The following PTPRG variants were observed in gnomAD, a reference collection of about 807,000 sequenced individuals.
PTPRG encodes receptor-type tyrosine-protein phosphatase gamma.
Under a neutral mutation model 165.3 loss-of-function variants are expected in PTPRG, and 102 were observed. The observed-to-expected ratio is 0.62, with a 90% CI of 0.53 to 0.73. PTPRG has a LOEUF of 0.73. Among genes scored for constraint, PTPRG ranks in the 30% least tolerant of loss-of-function variants. The pLI is 0.00. For synonymous variants in PTPRG, 675 were observed against 669.5 expected (o/e 1.01, Z -0.13); for missense variants, 1,866 against 1,861.4 (o/e 1.00, Z -0.05).
intron 8 of PTPRG, among the ~76,000 whole-genome samples, chr3:62,179,563 G>T (rs1456148034): frequency 6.6e-6 from 1 of 152,220 alleles, no homozygotes; most frequent in Middle Eastern, 3.2e-3. Context: ...TGAAAACTTG[G>T]TTTTCACCCA....
chr3:62,092,813 C>T (rs370618949), intron 5 of PTPRG, among the ~76,000 whole-genome samples: 1 of 152,278 alleles, frequency 6.6e-6, no homozygotes, highest in East Asian at 1.9e-4. Context: ...TAAACAATAG[C>T]ATGTGCCTGT....
chr3:61,908,373 C>T (rs540505897), intron 2 of PTPRG, among the ~76,000 whole-genome samples: 24 of 129,948 alleles, frequency 1.8e-4, no homozygotes, highest in Non-Finnish European at 2.8e-4. Flanking sequence ...TGCAGTGAGC[C>T]GGGATCGTAC....
intron 2 of PTPRG, among the ~76,000 whole-genome samples, chr3:61,976,014 C>G (rs1379843320): frequency 1.3e-5 from 2 of 152,170 alleles, no homozygotes; most frequent in Non-Finnish European, 2.9e-5. Context: ...CCTTGAAGAA[C>G]CGTGTTCTAA....
At chr3:62,193,533 T>C (rs762875538) in intron 9 of PTPRG, among the ~76,000 whole-genome samples, 3 of 152,218 alleles carry the variant, frequency 2.0e-5, no homozygotes, top group Non-Finnish European at 4.4e-5. Flanking sequence ...ATCATGGTTA[T>C]TGTGGCCCAG....
intron 12 of PTPRG, among the ~76,000 whole-genome samples, chr3:62,205,687 A>G (rs781569743): frequency 6.6e-6 from 1 of 152,136 alleles, no homozygotes; most frequent in African/African-American, 2.4e-5. Context: ...GGATCAGTTG[A>G]GGAGCTATCA....
intron 8 of PTPRG, among the ~76,000 whole-genome samples, chr3:62,173,891 C>G (rs927098608): frequency 6.6e-6 from 1 of 152,090 alleles, no homozygotes; most frequent in Non-Finnish European, 1.5e-5. Context: ...AGAGGCAGGG[C>G]CCCTTAAGAA....
intron 21 of PTPRG, 48 bp from the exon 22 acceptor site, chr3:62,272,898 C>A: frequency 1.3e-6 from 2 of 1,484,916 alleles, no homozygotes; most frequent in Non-Finnish European, 1.8e-6. Flanking sequence ...CCAAAGTTAA[C>A]AGTATGATAA....
At chr3:62,187,490 A>G (rs1415453924) in intron 8 of PTPRG, among the ~76,000 whole-genome samples, 1 of 152,216 alleles carries the variant, frequency 6.6e-6, no homozygotes, top group East Asian at 1.9e-4. Context: ...AAATCCTATG[A>G]AATTGAACTT....
chr3:61,793,318 T>A (rs900804140), intron 2 of PTPRG, among the ~76,000 whole-genome samples: 60 of 152,254 alleles, frequency 3.9e-4, no homozygotes, highest in African/African-American at 1.4e-3. Context: ...TCAAGACTGG[T>A]TATGTGTCTC....
At chr3:62,004,297 T>C (rs945956554) in intron 4 of PTPRG, among the ~76,000 whole-genome samples, 9 of 152,180 alleles carry the variant, frequency 5.9e-5, no homozygotes, top group Non-Finnish European at 7.3e-5. Context: ...AAGAACAAAA[T>C]AGATGTGGTT....
intron 2 of PTPRG, among the ~76,000 whole-genome samples, chr3:61,837,902 C>CTG (rs1390192570): frequency 6.6e-6 from 1 of 152,210 alleles, no homozygotes; most frequent in East Asian, 1.9e-4. Context: ...GCCACCTTCT[C>CTG]TGTGTGTCTT....
intron 17 of PTPRG, among the ~76,000 whole-genome samples, chr3:62,265,896 T>TATACACACACACACACACACACACAC (rs1553662684): frequency 0.019 from 2,510 of 130,484 alleles, 47 homozygotes; most frequent in Middle Eastern, 0.024. Context: ...GTGCCTTATA[T>TATACACACACACACACACACACACAC]ACACACACAC....
intron 28 of PTPRG, among the ~76,000 whole-genome samples, chr3:62,285,973 TAA>T (rs1231176765): frequency 6.6e-6 from 1 of 152,316 alleles, no homozygotes; most frequent in East Asian, 1.9e-4. Context: ...AGTGGACAAT[TAA>T]AAAGAGTTTT....
At chr3:62,268,459 C>A (rs144838407) in intron 19 of PTPRG, among the ~76,000 whole-genome samples, 1 of 151,874 alleles carries the variant, frequency 6.6e-6, no homozygotes, top group African/African-American at 2.4e-5. Context: ...AACAAACCTG[C>A]AAATCTTGCA....
chr3:62,081,058 C>T (rs1042662233), intron 5 of PTPRG, among the ~76,000 whole-genome samples: 4 of 151,714 alleles, frequency 2.6e-5, no homozygotes, highest in Non-Finnish European at 5.9e-5. Context: ...GAGATCGAGA[C>T]CATCCTGGCT....
chr3:62,021,702 A>G (rs1223794858), intron 4 of PTPRG, among the ~76,000 whole-genome samples: 2 of 152,140 alleles, frequency 1.3e-5, no homozygotes, highest in Admixed American at 6.5e-5. Flanking sequence ...TTCATTTGAT[A>G]TTATGTGATG....
chr3:61,983,274 T>C (rs1412667872), intron 2 of PTPRG, among the ~76,000 whole-genome samples: 39 of 152,256 alleles, frequency 2.6e-4, no homozygotes, highest in Admixed American at 2.4e-3. Context: ...AATTAAAACA[T>C]GGAATAATTT....
At chr3:62,128,246 C>G (rs529734034) in intron 5 of PTPRG, among the ~76,000 whole-genome samples, 1 of 152,216 alleles carries the variant, frequency 6.6e-6, no homozygotes, top group South Asian at 2.1e-4. Context: ...TCTGTTTCTT[C>G]TAGTCCATTT....
chr3:62,250,266 C>T (rs753473125), intron 15 of PTPRG, among the ~76,000 whole-genome samples: 1 of 152,180 alleles, frequency 6.6e-6, no homozygotes, highest in Non-Finnish European at 1.5e-5. Context: ...TGGAGTCACG[C>T]AGTCTGGCTC....
Sources: allele counts gnomAD v4.1 joint callset (sites outside exome capture counted in the v4.1 genomes callset), GRCh38; gene constraint gnomAD v4.1.1; transcripts MANE v1.5; gene names NCBI Gene and HGNC (gene_info 2026-07-23, HGNC 2026-07-21).